Variants in C2CD5 observed in about 807,000 individuals in gnomAD.
C2CD5 encodes the protein C2 domain-containing protein 5.
Under a neutral mutation model 130.3 loss-of-function variants are expected in C2CD5, and 109 were observed. The observed-to-expected ratio is 0.84, with a 90% CI of 0.72 to 0.98. The LOEUF (loss-of-function observed/expected upper bound fraction) is 0.98. Among genes scored for constraint, C2CD5 ranks in the 50% least tolerant of loss-of-function variants. The probability of loss-of-function intolerance (pLI) is 0.00; values close to 1 mark genes in which losing one functional copy is unlikely to be tolerated. For missense variants in C2CD5, 996 were observed against 1,261.8 expected (o/e 0.79, Z 3.19); for synonymous variants, 454 against 429.2 (o/e 1.06, Z -0.71).
intron 22 of C2CD5, chr12:22,460,795 T>C (rs1591942214): frequency 6.6e-6 from 1 of 152,294 alleles, no homozygotes; most frequent in East Asian, 1.9e-4. Flanking sequence ...GCCAGGCTGG[T>C]CTTGAACTCC....
chr12:22,457,039 C>T lies in C2CD5; in HGVS notation c.2809G>A (p.Ala937Thr). 1 of 1,609,108 alleles carries T rather than the reference C, an allele frequency of 6.2e-7. No individual in the cohort carries two copies. The highest frequency in any genetic ancestry group is 2.2e-5 in the East Asian group (1 of 44,634). The change falls in exon 25 of 27, where the codon GCA (alanine) becomes ACA (threonine). Residue 937 changes from alanine (A) to threonine (T), a missense_variant. Ala to Thr is a moderately conservative substitution (Grantham distance 58, BLOSUM62 0). This residue lies in a region of C2CD5 where 51 missense variants were observed against 99.5 expected (regional missense o/e 0.51). Transcript: ENST00000446597. ...KMTPLSFIPG[A>T]KITKYLGIIN... ...ATCCCAAGATACTTAGTTATTTTTG[C>T]TCCAGGAATAAAAGAAAGAGGTGTC...
At position 22,523,548 on chromosome 12, in the gene C2CD5, G is replaced by A. The variant is rs201434330; in HGVS notation, c.678C>T (p.Phe226=). 9 of 1,613,816 alleles carry A rather than the reference G, an allele frequency of 5.6e-6. No homozygotes were observed. The highest frequency in any genetic ancestry group is 4.4e-5 in the South Asian group (4 of 91,076). The change falls in exon 7 of 27, where the codon TTC becomes TTT. Residue 226 remains phenylalanine (F), a synonymous_variant. Transcript: ENST00000446597. ...CTAACCCAGACTCGCCCTCCAGATC[G>A]AAACACTGTAAGTACCCCACAACTG... ...GNAVVGYLQC[F]DLEGESGLVV...
At chr12:22,489,609 A>G (rs1946075577) in intron 12 of C2CD5, among the ~76,000 whole-genome samples, 2 of 152,128 alleles carry the variant, frequency 1.3e-5, no homozygotes, top group Non-Finnish European at 2.9e-5. Flanking sequence ...AAGGGACTTG[A>G]GCATCTGCAG....
At chr12:22,512,728 A>T in intron 9 of C2CD5, 2 of 1,342,248 alleles carry the variant, frequency 1.5e-6, no homozygotes, top group Non-Finnish European at 2.0e-6. Flanking sequence ...GAGAGAAATC[A>T]TCCAAAAACT....
At chr12:22,485,185 T>C (rs1945311838) in intron 12 of C2CD5, among the ~76,000 whole-genome samples, 1 of 152,048 alleles carries the variant, frequency 6.6e-6, no homozygotes, top group Non-Finnish European at 1.5e-5. Flanking sequence ...AAGTTTTTTC[T>C]CTGGGATACA....
chr12:22,518,404 A>C (rs1949966912), intron 7 of C2CD5, among the ~76,000 whole-genome samples: 1 of 152,252 alleles, frequency 6.6e-6, no homozygotes, highest in South Asian at 2.1e-4. Flanking sequence ...AAAAAATATC[A>C]AAAGGAGAAA....
chr12:22,530,274 A>G (rs1349759604), intron 3 of C2CD5, among the ~76,000 whole-genome samples: 2 of 149,388 alleles, frequency 1.3e-5, no homozygotes, highest in Non-Finnish European at 3.0e-5. Flanking sequence ...ATATATATAC[A>G]CAACTGTGTG....
At chr12:22,520,909 T>C (rs1241138217) in intron 7 of C2CD5, among the ~76,000 whole-genome samples, 1 of 151,992 alleles carries the variant, frequency 6.6e-6, no homozygotes, top group Non-Finnish European at 1.5e-5. Context: ...AAATGAACAG[T>C]GTAAAATGTT....
In C2CD5 at chr12:22,518,003, C is replaced by T; in HGVS notation, c.935G>A (p.Ser312Asn). ...RQSSSSDTDL[S>N]LTPKTGMGSG... ...CGCCTTACCAGTTTTGGGTGTCAAA[C>T]TCAAATCTGTGTCAGAAGAAGAGGA... The change falls in exon 8 of 27, where the codon AGT becomes AAT. Residue 312 changes from serine to asparagine, a missense_variant. Physicochemically the swap from Ser to Asn is conservative, Grantham distance 46. Coordinates refer to ENST00000446597, the MANE Select transcript of C2CD5 (RefSeq NM_001286176.2). The T allele has an allele frequency of 1.2e-6, 2 of 1,613,258 alleles. No individual in the cohort carries two copies. Among genetic ancestry groups the T allele is most frequent in the Non-Finnish European group, 1.7e-6 (2 of 1,179,594 alleles).
Position 22,506,563 on chromosome 12 carries a change from G to A in C2CD5, c.1147+148C>T, listed in dbSNP as rs1591895996. The A allele has an allele frequency of 7.8e-6, 4 of 509,652 alleles. No individual in the cohort carries two copies. The East Asian group carries it at 9.1e-5, about 12-fold the overall frequency. 31.6% of individuals were successfully genotyped at this position (509,652 alleles called of 1,614,324 possible). On this transcript the variant is annotated intron_variant, in intron 10 of 26. Transcript: ENST00000446597. ...CACTTAGTTTATTTATAATTAAGAT[G>A]ACTACAAATATATTAAAGTAACGTG...
chr12:22,449,987 G>A lies in C2CD5; in HGVS notation c.3025-96C>T, dbSNP rs1006484994. On this transcript the variant is annotated intron_variant, in intron 26 of 26. Coordinates refer to ENST00000446597, the MANE Select transcript of C2CD5 (RefSeq NM_001286176.2). Reference sequence around the variant, plus strand: ...CAGTGCTGTACAGCCAAAAAACACAGGCTTCTAAATCATTAGGATAAAGAT... The same window carrying A: ...CAGTGCTGTACAGCCAAAAAACACAAGCTTCTAAATCATTAGGATAAAGAT... 2.0e-5 allele frequency: 19 copies of A among 929,526 alleles called. No homozygotes were observed. In the East Asian group the frequency reaches 4.7e-4, roughly 23 times the overall value. The allele number at this position is 929,526 out of a possible 1,614,324, so 57.6% of individuals were successfully genotyped here.
intron 8 of C2CD5, among the ~76,000 whole-genome samples, chr12:22,517,142 C>G (rs929607847): frequency 6.6e-6 from 1 of 151,712 alleles, no homozygotes; most frequent in Non-Finnish European, 1.5e-5. Flanking sequence ...AATTTCTTTT[C>G]TAACATACAT....
At position 22,458,523 on chromosome 12, in the gene C2CD5, GT is replaced by G; in HGVS notation, c.2646del (p.Lys882AsnfsTer2). ...DRCSSWIELIKLKAQTIRRGS... is the reference protein window; with the variant it reads ...DRCSSWIELIXLKAQTIRRGS... ...CCACGCCTTATGGTCTGAGCTTTCA[GT>G]TTAATGAGCTCTATCCAGCTGCTGC... On this transcript the variant is annotated frameshift_variant, in exon 24 of 27. Coordinates refer to ENST00000446597, the MANE Select transcript of C2CD5 (RefSeq NM_001286176.2). LOFTEE classifies it high-confidence loss of function. 1 of 1,307,628 alleles carries G rather than the reference GT, an allele frequency of 7.6e-7. No homozygotes were observed. 81.0% of individuals were successfully genotyped at this position (1,307,628 alleles called of 1,614,324 possible). A position where few individuals can be genotyped will look rare whatever the true frequency, so the allele number is the denominator to read the frequency against.
At chr12:22,500,542 T>G (rs749672485) in intron 10 of C2CD5, among the ~76,000 whole-genome samples, 5 of 152,180 alleles carry the variant, frequency 3.3e-5, no homozygotes, top group Non-Finnish European at 5.9e-5. Context: ...CTTTAACTCT[T>G]TATCTTGTAT....
chr12:22,512,700 A>T lies in C2CD5; in HGVS notation c.1038+594T>A, dbSNP rs538623338. 95 of 495,268 alleles carry T rather than the reference A, an allele frequency of 1.9e-4. 1 individual carries two copies. In the East Asian group the frequency reaches 3.8e-3, roughly 20 times the overall value. 30.7% of individuals were successfully genotyped at this position (495,268 alleles called of 1,614,324 possible). ...CCTCCCTTAGCAATGAAGTTTATTT[A>T]AAAAAAAAAAAGAGAGAGAGAGAAA... On this transcript the variant is annotated intron_variant, in intron 9 of 26. Transcript: ENST00000446597.
chr12:22,473,897 A>G (rs16924991), intron 16 of C2CD5, among the ~76,000 whole-genome samples: 2,609 of 152,228 alleles, frequency 0.017, 77 homozygotes, highest in African/African-American at 0.059. Context: ...CCATTCTCAG[A>G]CTGTAGAGAA....
At chr12:22,500,102 T>C (rs1423623890) in intron 10 of C2CD5, among the ~76,000 whole-genome samples, 1 of 152,120 alleles carries the variant, frequency 6.6e-6, no homozygotes, top group African/African-American at 2.4e-5. Context: ...GAAAATCACT[T>C]GAACCTGGGA....
chr12:22,542,323 G>T (rs1007287591), intron 2 of C2CD5, among the ~76,000 whole-genome samples: 1 of 152,256 alleles, frequency 6.6e-6, no homozygotes, highest in Non-Finnish European at 1.5e-5. Flanking sequence ...GAGGCAGGAG[G>T]ATGGCTTGAG....
chr12:22,543,146 T>C (rs373716891), intron 2 of C2CD5, among the ~76,000 whole-genome samples: 2 of 152,228 alleles, frequency 1.3e-5, no homozygotes, highest in Non-Finnish European at 2.9e-5. Context: ...CTATATATTA[T>C]GATATATCTA....
Sources: allele counts gnomAD v4.1 joint callset (sites outside exome capture counted in the v4.1 genomes callset), GRCh38; gene constraint gnomAD v4.1.1; regional missense constraint gnomAD v4.1.1; transcripts MANE v1.5; gene names NCBI Gene and HGNC (gene_info 2026-07-23, HGNC 2026-07-21).